Variants in FGF2 observed in about 807,000 individuals in gnomAD.
The protein encoded by FGF2 is fibroblast growth factor 2, also known as basic fibroblast growth factor bFGF.
A neutral mutation model predicts 15.9 loss-of-function variants in FGF2; 13 were observed. The ratio of observed to expected loss-of-function variants is 0.82; its 90% CI spans 0.53 to 1.30. The LOEUF is 1.30. Among genes scored for constraint, FGF2 ranks in the 50% most tolerant of loss-of-function variants. FGF2 has a pLI of 0.00. For missense variants in FGF2, 163 were observed against 196.9 expected (o/e 0.83, Z 1.03); for synonymous variants, 90 against 78.4 (o/e 1.15, Z -0.78).
chr4:122,892,234 C>T lies in FGF2; in HGVS notation c.306C>T (p.Phe102=). Residue 102 remains phenylalanine, a synonymous_variant, in exon 3 of 3, where the codon TTC becomes TTT. Transcript: ENST00000644866. ...LASKCVTDEC[F]FFERLESNNY... ...AGAAATGTGTTACGGATGAGTGTTT[C>T]TTTTTTGAACGATTGGAATCTAATA... 1 of 1,613,066 alleles carries T rather than the reference C, an allele frequency of 6.2e-7. No homozygotes were observed. The highest frequency in any genetic ancestry group is 8.5e-7 in the Non-Finnish European group (1 of 1,179,234).
At chr4:122,885,777 T>G (rs889843979) in intron 2 of FGF2, among the ~76,000 whole-genome samples, 3 of 152,094 alleles carry the variant, frequency 2.0e-5, no homozygotes, top group African/African-American at 7.2e-5. Flanking sequence ...CCATATTTAG[T>G]CATCATGTCT....
At chr4:122,891,101 C>T (rs1365448985) in intron 2 of FGF2, among the ~76,000 whole-genome samples, 1 of 144,064 alleles carries the variant, frequency 6.9e-6, no homozygotes, top group Non-Finnish European at 1.5e-5. Context: ...AGTGCAGTGG[C>T]GCGATCTCGG....
intron 1 of FGF2, among the ~76,000 whole-genome samples, chr4:122,862,339 T>C (rs1161205623): frequency 6.6e-6 from 1 of 152,232 alleles, no homozygotes; most frequent in Admixed American, 6.5e-5. Context: ...TAAATTGGTA[T>C]TGTATGATTC....
chr4:122,877,429 C>CA (rs1236729386), intron 2 of FGF2, among the ~76,000 whole-genome samples: 5 of 152,100 alleles, frequency 3.3e-5, no homozygotes, highest in African/African-American at 1.2e-4. Flanking sequence ...AGGAACTTTT[C>CA]TTTTTTACAT....
intron 1 of FGF2, among the ~76,000 whole-genome samples, chr4:122,870,795 T>G (rs1433926475): frequency 1.3e-5 from 2 of 152,152 alleles, no homozygotes; most frequent in Non-Finnish European, 2.9e-5. Flanking sequence ...TTGATTTTTT[T>G]GTAGGGTTTT....
chr4:122,862,729 A>G (rs1726498136), intron 1 of FGF2, among the ~76,000 whole-genome samples: 1 of 152,232 alleles, frequency 6.6e-6, no homozygotes, highest in Non-Finnish European at 1.5e-5. Flanking sequence ...ATTTTGCTTT[A>G]TGATGAGATG....
intron 1 of FGF2, among the ~76,000 whole-genome samples, chr4:122,854,931 A>G (rs1726310381): frequency 6.6e-6 from 1 of 152,242 alleles, no homozygotes; most frequent in South Asian, 2.1e-4. Flanking sequence ...CACTCTGGGC[A>G]GCTTCCCTTC....
At chr4:122,831,801 T>G (rs1725770835) in intron 1 of FGF2, among the ~76,000 whole-genome samples, 1 of 152,234 alleles carries the variant, frequency 6.6e-6, no homozygotes, top group Non-Finnish European at 1.5e-5. Context: ...ACTTTGACAA[T>G]GGTGTAACAA....
At chr4:122,847,603 C>CTCTATCTATCTATCTATCTATCTA (rs34233719) in intron 1 of FGF2, among the ~76,000 whole-genome samples, 2 of 141,920 alleles carry the variant, frequency 1.4e-5, no homozygotes, top group Non-Finnish European at 1.5e-5. Flanking sequence ...TAGGAGATCA[C>CTCTATCTATCTATCTATCTATCTA]TCTATCTATC....
intron 1 of FGF2, among the ~76,000 whole-genome samples, chr4:122,844,586 T>TCTTTCTTTCTTTCTTTCTTCCTTC (rs1419377686): frequency 7.4e-4 from 99 of 133,866 alleles, no homozygotes; most frequent in African/African-American, 3.0e-3. Context: ...TTTCTTTCTT[T>TCTTTCTTTCTTTCTTTCTTCCTTC]CTTCCTTCCT....
intron 1 of FGF2, among the ~76,000 whole-genome samples, chr4:122,850,285 A>T (rs540031585): frequency 6.6e-6 from 1 of 152,094 alleles, no homozygotes; most frequent in Non-Finnish European, 1.5e-5. Context: ...AAAAAAAAAG[A>T]TACAGTAAAA....
At chr4:122,843,580 T>A (rs1189153313) in intron 1 of FGF2, among the ~76,000 whole-genome samples, 1 of 152,154 alleles carries the variant, frequency 6.6e-6, no homozygotes, top group Non-Finnish European at 1.5e-5. Context: ...GTTATCCAAT[T>A]GAGAAATGTA....
chr4:122,875,280 A>G (rs973387759), intron 1 of FGF2, among the ~76,000 whole-genome samples: 4 of 152,018 alleles, frequency 2.6e-5, no homozygotes, highest in Non-Finnish European at 5.9e-5. Flanking sequence ...AATCTGCTTA[A>G]TATTGATAAT....
intron 1 of FGF2, among the ~76,000 whole-genome samples, chr4:122,849,377 C>T (rs1451771023): frequency 6.6e-6 from 1 of 151,988 alleles, no homozygotes; most frequent in Non-Finnish European, 1.5e-5. Flanking sequence ...CACATGTTCT[C>T]AGTCATGAGT....
intron 1 of FGF2, among the ~76,000 whole-genome samples, chr4:122,850,521 CAT>C (rs1560742981): frequency 6.6e-6 from 1 of 151,782 alleles, no homozygotes; most frequent in Non-Finnish European, 1.5e-5. Flanking sequence ...TACATAGCCT[CAT>C]ATATTTTTTG....
intron 1 of FGF2, among the ~76,000 whole-genome samples, chr4:122,844,890 G>C (rs947246220): frequency 6.6e-6 from 1 of 152,102 alleles, no homozygotes; most frequent in Non-Finnish European, 1.5e-5. Flanking sequence ...TTCTGCCTTG[G>C]CTTCCCAAAA....
intron 1 of FGF2, 115 bp from the exon 2 acceptor site, chr4:122,876,206 C>T: frequency 1.4e-6 from 1 of 733,260 alleles, no homozygotes; most frequent in Non-Finnish European, 2.5e-6. Context: ...CTCACCAATC[C>T]TCCAAAGTGG....
Position 122,897,588 on chromosome 4 carries a change from A to G in FGF2, c.*5192A>G. 1 of 1,435,142 alleles carries G rather than the reference A, an allele frequency of 7.0e-7. No homozygotes were observed. Among genetic ancestry groups the G allele is most frequent in the Non-Finnish European group, 9.8e-7 (1 of 1,018,250 alleles). The allele number at this position is 1,435,142 out of a possible 1,614,324, so 88.9% of individuals were successfully genotyped here. A position where few individuals can be genotyped will look rare whatever the true frequency, so the allele number is the denominator to read the frequency against. ...AAGTAAACACATTAATTTCCTCAAC[A>G]TTTTTAAGCCAATTAAAAATATAAA... On this transcript the variant is annotated 3_prime_UTR_variant, in exon 3 of 3. Transcript: ENST00000644866.
At chr4:122,834,759 G>C (rs1370958523) in intron 1 of FGF2, among the ~76,000 whole-genome samples, 1 of 152,202 alleles carries the variant, frequency 6.6e-6, no homozygotes, top group Non-Finnish European at 1.5e-5. Context: ...TTGGGAGATA[G>C]TTTAAAGGAT....
Sources: gnomAD v4.1 joint callset for allele counts (sites outside exome capture counted in the v4.1 genomes callset) on GRCh38, gnomAD v4.1.1 for gene constraint, MANE v1.5 for transcripts, NCBI Gene and HGNC (gene_info 2026-07-23, HGNC 2026-07-21) for gene names.